The following VPS13B variants were observed in gnomAD, a reference collection of about 807,000 sequenced individuals.
VPS13B encodes vacuolar protein sorting 13 homolog B, also known as intermembrane lipid transfer protein VPS13B.
Under a neutral mutation model 426.4 loss-of-function variants are expected in VPS13B, and 285 were observed. That is an observed-to-expected ratio of 0.67 (90% confidence interval 0.61 to 0.74). VPS13B has a LOEUF of 0.74. Among genes scored for constraint, VPS13B ranks in the 30% least tolerant of loss-of-function variants. The pLI, the probability that VPS13B is intolerant of heterozygous loss-of-function variation, is 0.00. For synonymous variants in VPS13B, 1,676 were observed against 1,676.4 expected (o/e 1.00, Z 0.01); for missense variants, 4,537 against 4,782.6 (o/e 0.95, Z 1.51).
intron 39 of VPS13B, among the ~76,000 whole-genome samples, chr8:99,752,476 CAGAGTCAAGTAGTTGT>C (rs1250116279): frequency 6.6e-6 from 1 of 152,138 alleles, no homozygotes; most frequent in Non-Finnish European, 1.5e-5. Context: ...CTACAATAGT[CAGAGTCAAGTAGTTGT>C]AGAGTCAAGT....
intron 16 of VPS13B, among the ~76,000 whole-genome samples, chr8:99,190,833 C>CT (rs1014043764): frequency 7.5e-4 from 111 of 148,984 alleles, no homozygotes; most frequent in East Asian, 2.7e-3. Context: ...CTTTCTTCTT[C>CT]TTTTTTTTTT....
intron 40 of VPS13B, among the ~76,000 whole-genome samples, chr8:99,775,318 C>G (rs1007287731): frequency 1.3e-5 from 2 of 152,128 alleles, no homozygotes; most frequent in Admixed American, 1.3e-4. Context: ...TGTCCTTAGG[C>G]TCCTCATGGA....
At chr8:99,447,694 A>G (rs139558967) in intron 23 of VPS13B, among the ~76,000 whole-genome samples, 1 of 152,260 alleles carries the variant, frequency 6.6e-6, no homozygotes, top group East Asian at 1.9e-4. Context: ...GTGTGTGTGC[A>G]TGCATGTGTA....
At chr8:99,516,431 A>G (rs1420418167) in intron 29 of VPS13B, among the ~76,000 whole-genome samples, 1 of 152,202 alleles carries the variant, frequency 6.6e-6, no homozygotes, top group South Asian at 2.1e-4. Flanking sequence ...AGAGTATACT[A>G]TTCATTTTAT....
chr8:99,171,510 T>C (rs1470153126), intron 16 of VPS13B, among the ~76,000 whole-genome samples: 2 of 151,998 alleles, frequency 1.3e-5, no homozygotes, highest in Non-Finnish European at 2.9e-5. Flanking sequence ...TTATAGCCTT[T>C]ATATAAAATC....
chr8:99,067,549 C>G (rs1259843843), intron 3 of VPS13B, among the ~76,000 whole-genome samples: 2 of 152,064 alleles, frequency 1.3e-5, no homozygotes, highest in African/African-American at 4.8e-5. Context: ...TGTAAATGAT[C>G]AGTTAATGGG....
chr8:99,674,333 A>G (rs1830836207), intron 35 of VPS13B, among the ~76,000 whole-genome samples: 1 of 152,070 alleles, frequency 6.6e-6, no homozygotes, highest in African/African-American at 2.4e-5. Context: ...TTGTCATTAT[A>G]TAGGACTTGC....
intron 19 of VPS13B, among the ~76,000 whole-genome samples, chr8:99,334,406 G>T (rs1370627136): frequency 6.6e-6 from 1 of 152,088 alleles, no homozygotes; most frequent in Non-Finnish European, 1.5e-5. Context: ...TAGGAGTGGT[G>T]AGAGAGGGCA....
intron 39 of VPS13B, among the ~76,000 whole-genome samples, chr8:99,750,730 A>T (rs2130537006): frequency 6.6e-6 from 1 of 152,300 alleles, no homozygotes. Flanking sequence ...ATATGCACAG[A>T]TAACAACATT....
At chr8:99,473,803 T>C (rs1050435320) in intron 24 of VPS13B, among the ~76,000 whole-genome samples, 4 of 152,170 alleles carry the variant, frequency 2.6e-5, no homozygotes, top group Non-Finnish European at 5.9e-5. Flanking sequence ...TCACCAAGCT[T>C]TTATGAGACA....
chr8:99,335,868 T>C (rs1810826327), intron 19 of VPS13B, among the ~76,000 whole-genome samples: 2 of 151,930 alleles, frequency 1.3e-5, no homozygotes, highest in African/African-American at 2.4e-5. Context: ...TAAAAGAGGA[T>C]ACAAACAAAT....
chr8:99,816,206 G>A (rs1239580158), intron 44 of VPS13B, among the ~76,000 whole-genome samples: 1 of 151,890 alleles, frequency 6.6e-6, no homozygotes, highest in African/African-American at 2.4e-5. Flanking sequence ...AGGTTCAAGT[G>A]ATTCTCCTGC....
At chr8:99,557,501 A>G (rs951790177) in intron 31 of VPS13B, among the ~76,000 whole-genome samples, 42 of 152,078 alleles carry the variant, frequency 2.8e-4, no homozygotes, top group Non-Finnish European at 5.7e-4. Context: ...TGAGTAGTAG[A>G]CCATGGTGTA....
At chr8:99,385,979 G>A (rs1365155833) in intron 20 of VPS13B, among the ~76,000 whole-genome samples, 1 of 152,182 alleles carries the variant, frequency 6.6e-6, no homozygotes, top group African/African-American at 2.4e-5. Flanking sequence ...AGGTATTTGA[G>A]ACTTCATTTT....
chr8:99,491,903 T>TGAGGACC (rs1215526337), intron 25 of VPS13B, among the ~76,000 whole-genome samples: 6 of 152,186 alleles, frequency 3.9e-5, no homozygotes, highest in Non-Finnish European at 7.4e-5. Flanking sequence ...TTTTGTTCCA[T>TGAGGACC]TGCTGGCGAG....
chr8:99,395,767 T>C (rs1481750564), intron 21 of VPS13B, among the ~76,000 whole-genome samples: 1 of 152,062 alleles, frequency 6.6e-6, no homozygotes, highest in Admixed American at 6.6e-5. Context: ...AACTAGCCAA[T>C]AGAAATAGGC....
At chr8:99,023,607 A>G (rs995784260) in intron 2 of VPS13B, among the ~76,000 whole-genome samples, 1 of 151,900 alleles carries the variant, frequency 6.6e-6, no homozygotes, top group African/African-American at 2.4e-5. Context: ...CAGCCTCCCA[A>G]GTAGCTGGGA....
In VPS13B at chr8:99,556,547, C is replaced by T; in HGVS notation, c.4843C>T (p.Gln1615Ter). 1 of 1,613,232 alleles carries T rather than the reference C, an allele frequency of 6.2e-7. No individual in the cohort carries two copies. The highest frequency in any genetic ancestry group is 8.5e-7 in the Non-Finnish European group (1 of 1,179,554). ...DLQSINIGTA[Q>*]WHQLKPEKES... ...GCAGTCCATCAATATTGGTACTGCA[C>T]AGTGGCATCAACTAAAACCAGAGAA... The change falls in exon 31 of 62, where the codon CAG becomes TAG. Residue 1615 changes from glutamine (Q) to a stop codon, truncating the protein, a stop_gained. Coordinates refer to ENST00000357162, the MANE Select transcript of VPS13B (RefSeq NM_152564.5). LOFTEE classifies it high-confidence loss of function.
intron 19 of VPS13B, among the ~76,000 whole-genome samples, chr8:99,348,901 A>T (rs987894602): frequency 7.9e-5 from 12 of 152,122 alleles, no homozygotes; most frequent in African/African-American, 2.9e-4. Context: ...ACATGCTGCC[A>T]ATTGCCCACT....
Sources: allele counts gnomAD v4.1 joint callset (sites outside exome capture counted in the v4.1 genomes callset), GRCh38; gene constraint gnomAD v4.1.1; transcripts MANE v1.5; gene names NCBI Gene and HGNC (gene_info 2026-07-23, HGNC 2026-07-21).